Variants in BICC1 observed in about 807,000 individuals in gnomAD.
The protein encoded by BICC1 is BicC family RNA binding protein 1.
Under a neutral mutation model 111.0 loss-of-function variants are expected in BICC1, and 43 were observed. The ratio of observed to expected loss-of-function variants is 0.39; its 90% confidence interval spans 0.30 to 0.50. The LOEUF (loss-of-function observed/expected upper bound fraction) is 0.50. Ranked by LOEUF, BICC1 falls within the 20% of genes least tolerant of loss-of-function variation. BICC1 has a pLI of 0.88. For missense variants in BICC1, 1,091 were observed against 1,203.2 expected (o/e 0.91, Z 1.38); for synonymous variants, 467 against 434.4 (o/e 1.07, Z -0.93).
chr10:58,623,118 C>T (rs1386511729), intron 2 of BICC1, among the ~76,000 whole-genome samples: 2 of 152,110 alleles, frequency 1.3e-5, no homozygotes, highest in Non-Finnish European at 2.9e-5. Context: ...TGAGACTTTT[C>T]ATATGTAACT....
At chr10:58,560,224 C>A (rs767103903) in intron 1 of BICC1, among the ~76,000 whole-genome samples, 6 of 151,938 alleles carry the variant, frequency 3.9e-5, no homozygotes, top group Non-Finnish European at 8.8e-5. Flanking sequence ...GACTTTATTA[C>A]TGACTCAATC....
In BICC1 at chr10:58,578,358, T is replaced by C. The variant is rs190644773; in HGVS notation, c.191-42497T>C. Among the ~76,000 whole-genome samples, 363 of 152,290 alleles carry C rather than the reference T, an allele frequency of 2.4e-3. 2 individuals carry two copies. The highest frequency in any genetic ancestry group is 0.014 in the Middle Eastern group (4 of 294). On this transcript the variant is annotated intron_variant, in intron 1 of 20. Coordinates refer to ENST00000373886, the MANE Select transcript of BICC1 (RefSeq NM_001080512.3). ...TCTTTTTATTTTTCTACCAGTATAC[T>C]GTGTGATCTACCTTTGTCTTTTCCA...
intron 1 of BICC1, among the ~76,000 whole-genome samples, chr10:58,536,582 T>C (rs1842832101): frequency 6.6e-6 from 1 of 151,790 alleles, no homozygotes; most frequent in South Asian, 2.1e-4. Context: ...AAGAGGCGTT[T>C]ATAGCACTAA....
chr10:58,621,191 C>T (rs923271928), intron 2 of BICC1, among the ~76,000 whole-genome samples: 3 of 152,184 alleles, frequency 2.0e-5, no homozygotes, highest in Non-Finnish European at 2.9e-5. Context: ...ATTCACACTT[C>T]ATTTGGCTGG....
chr10:58,666,670 C>T (rs1015036549), intron 2 of BICC1, among the ~76,000 whole-genome samples: 7 of 152,060 alleles, frequency 4.6e-5, no homozygotes, highest in Non-Finnish European at 1.0e-4. Context: ...GGGCAAGTTA[C>T]TTAGTGTTTG....
At chr10:58,759,756 G>A (rs1189684211) in intron 3 of BICC1, among the ~76,000 whole-genome samples, 2 of 151,886 alleles carry the variant, frequency 1.3e-5, no homozygotes, top group Admixed American at 1.3e-4. Flanking sequence ...TCAGGAGATC[G>A]AGACCATCCT....
At chr10:58,759,464 A>G (rs189455989) in intron 3 of BICC1, among the ~76,000 whole-genome samples, 29 of 152,250 alleles carry the variant, frequency 1.9e-4, no homozygotes, top group Admixed American at 1.4e-3. Flanking sequence ...CCTTGATACA[A>G]ACAGCTCTGG....
chr10:58,713,711 C>G (rs976018742), intron 3 of BICC1, among the ~76,000 whole-genome samples: 11 of 152,190 alleles, frequency 7.2e-5, no homozygotes, highest in Admixed American at 2.6e-4. Flanking sequence ...CAGACTTAAG[C>G]TACATTTGGT....
intron 1 of BICC1, among the ~76,000 whole-genome samples, chr10:58,610,658 G>A (rs1845388537): frequency 6.6e-6 from 1 of 151,470 alleles, no homozygotes; most frequent in Non-Finnish European, 1.5e-5. Context: ...TTATAATGGG[G>A]TAAATTTCTG....
In BICC1 at chr10:58,647,901, A is replaced by G. The variant is rs151113773; in HGVS notation, c.237+27000A>G. On this transcript the variant is annotated intron_variant, in intron 2 of 20. Coordinates refer to ENST00000373886, the MANE Select transcript of BICC1 (RefSeq NM_001080512.3). Reference sequence around the variant, plus strand: ...GTGACCAGAATTACAGAGAAAGTTGATAAGCATGGTCCATCATCTACTGAT... The same window carrying G: ...GTGACCAGAATTACAGAGAAAGTTGGTAAGCATGGTCCATCATCTACTGAT... Among the ~76,000 whole-genome samples the G allele has an allele frequency of 1.2e-4, 18 of 152,324 alleles. No homozygotes were observed. In the East Asian group the frequency reaches 3.3e-3, roughly 28 times the overall value.
rs754775179 is a variant in BICC1 at position 58,652,670 on chromosome 10, T to A, written c.237+31769T>A. 2.8e-4 allele frequency among the ~76,000 whole-genome samples: 42 copies of A among 152,198 alleles called. 1 individual carries two copies. Among genetic ancestry groups the A allele is most frequent in the Admixed American group, 4.6e-4 (7 of 15,260 alleles). On this transcript the variant is annotated intron_variant, in intron 2 of 20. Coordinates refer to ENST00000373886, the MANE Select transcript of BICC1 (RefSeq NM_001080512.3). ...CTTGGAATTAATTTTCTTTTAATTT[T>A]TTAAGGATGATAAAATTTTAATATT...
At chr10:58,663,861 A>C (rs2132298800) in intron 2 of BICC1, among the ~76,000 whole-genome samples, 1 of 152,216 alleles carries the variant, frequency 6.6e-6, no homozygotes, top group South Asian at 2.1e-4. Flanking sequence ...AAATCCTTTG[A>C]GATTCATCTC....
At chr10:58,634,310 T>G (rs1837889167) in intron 2 of BICC1, among the ~76,000 whole-genome samples, 1 of 152,110 alleles carries the variant, frequency 6.6e-6, no homozygotes, top group Admixed American at 6.5e-5. Flanking sequence ...GATTTTCAGT[T>G]GAATTATTAA....
chr10:58,594,244 A>G (rs1419897220), intron 1 of BICC1, among the ~76,000 whole-genome samples: 1 of 152,148 alleles, frequency 6.6e-6, no homozygotes, highest in Admixed American at 6.6e-5. Context: ...CTAAATCTAC[A>G]TTTGATTGGT....
chr10:58,711,557 G>A (rs1280665154), intron 3 of BICC1, among the ~76,000 whole-genome samples: 1 of 152,110 alleles, frequency 6.6e-6, no homozygotes, highest in Non-Finnish European at 1.5e-5. Context: ...CTCATGTTCG[G>A]TGACCTATTA....
At chr10:58,809,495 C>G (rs1347500280) in intron 17 of BICC1, among the ~76,000 whole-genome samples, 1 of 152,166 alleles carries the variant, frequency 6.6e-6, no homozygotes, top group Admixed American at 6.5e-5. Context: ...CTGCCTCAGC[C>G]TCCCAAAGTG....
At chr10:58,693,550 A>T (rs1839976736) in intron 2 of BICC1, among the ~76,000 whole-genome samples, 1 of 152,174 alleles carries the variant, frequency 6.6e-6, no homozygotes, top group African/African-American at 2.4e-5. Flanking sequence ...AATGATCGCC[A>T]TTCTAACTGA....
At chr10:58,771,339 A>G in intron 3 of BICC1, among the ~76,000 whole-genome samples, 1 of 152,226 alleles carries the variant, frequency 6.6e-6, no homozygotes, top group Non-Finnish European at 1.5e-5. Context: ...AAATCCAGAT[A>G]GTTATCTAAT....
chr10:58,534,744 A>G (rs1043591643), intron 1 of BICC1, among the ~76,000 whole-genome samples: 9 of 151,770 alleles, frequency 5.9e-5, no homozygotes, highest in African/African-American at 2.2e-4. Context: ...TCAAACCAAG[A>G]TTAAATCTTT....
Sources: gnomAD v4.1 joint callset for allele counts (sites outside exome capture counted in the v4.1 genomes callset) on GRCh38, gnomAD v4.1.1 for gene constraint, MANE v1.5 for transcripts, NCBI Gene and HGNC (gene_info 2026-07-23, HGNC 2026-07-21) for gene names.